USH2A: variants seen among roughly 807,000 people sequenced by gnomAD.
USH2A encodes Usher syndrome 2A (autosomal recessive, mild).
Under a neutral mutation model 538.9 loss-of-function variants are expected in USH2A, and 443 were observed. The observed-to-expected ratio is 0.82, with a 90% CI of 0.76 to 0.89. The LOEUF (loss-of-function observed/expected upper bound fraction) is 0.89, where lower values mean the gene tolerates loss of function less well. USH2A is among the 40% of genes least tolerant of loss of function. The pLI is 0.00. For synonymous variants in USH2A, 2,413 were observed against 2,273.5 expected, an observed-to-expected ratio of 1.06 and a Z score of -1.75; for missense variants, 6,633 against 6,324.8, an observed-to-expected ratio of 1.05 and a Z score of -1.65.
intron 3 of USH2A, among the ~76,000 whole-genome samples, chr1:216,395,744 T>C (rs1191770456): frequency 8.5e-5 from 13 of 152,076 alleles, no homozygotes; most frequent in Non-Finnish European, 8.8e-5. Flanking sequence ...GGCAGAGAGG[T>C]GGCAGGTTTG....
chr1:215,992,642 A>T (rs1288736974), intron 35 of USH2A, among the ~76,000 whole-genome samples: 1 of 152,216 alleles, frequency 6.6e-6, no homozygotes, highest in Non-Finnish European at 1.5e-5. Flanking sequence ...TATGTACATG[A>T]ACTTTCCACC....
intron 62 of USH2A, among the ~76,000 whole-genome samples, chr1:215,677,584 G>A (rs559026474): frequency 2.8e-4 from 42 of 152,116 alleles, no homozygotes; most frequent in Admixed American, 5.2e-4. Flanking sequence ...CTATACTCGG[G>A]GTGGCTTCTC....
chr1:216,193,399 T>C (rs1263697859), intron 19 of USH2A, among the ~76,000 whole-genome samples: 1 of 152,122 alleles, frequency 6.6e-6, no homozygotes, highest in Non-Finnish European at 1.5e-5. Flanking sequence ...AATTATTTAT[T>C]GGCTCTTCTT....
intron 66 of USH2A, 50 bp downstream of exon 66, chr1:215,648,478 T>C: frequency 6.3e-7 from 1 of 1,586,124 alleles, no homozygotes; most frequent in South Asian, 1.1e-5. Flanking sequence ...AGTTCATATG[T>C]CTGTACACAT....
At chr1:215,659,936 A>T (rs1373656677) in intron 64 of USH2A, among the ~76,000 whole-genome samples, 1 of 152,208 alleles carries the variant, frequency 6.6e-6, no homozygotes, top group Non-Finnish European at 1.5e-5. Context: ...TGACTATGCT[A>T]AGAAATAACA....
At chr1:215,829,333 G>A (rs2102807694) in intron 47 of USH2A, among the ~76,000 whole-genome samples, 1 of 152,280 alleles carries the variant, frequency 6.6e-6, no homozygotes, top group Middle Eastern at 3.4e-3. Flanking sequence ...CAAGGCATAA[G>A]TTAAGGCCAA....
chr1:216,054,022 C>T (rs1204983777), intron 30 of USH2A, among the ~76,000 whole-genome samples: 1 of 152,178 alleles, frequency 6.6e-6, no homozygotes, highest in Non-Finnish European at 1.5e-5. Flanking sequence ...GCCTAGAGAA[C>T]TTGCAACTTA....
At chr1:216,159,468 T>C (rs1165646704) in intron 21 of USH2A, among the ~76,000 whole-genome samples, 2 of 151,858 alleles carry the variant, frequency 1.3e-5, no homozygotes, top group East Asian at 1.9e-4. Context: ...TTGAATCACA[T>C]ACATTTTGAA....
chr1:216,088,546 T>C (rs1369753085), intron 23 of USH2A, among the ~76,000 whole-genome samples: 2 of 152,150 alleles, frequency 1.3e-5, no homozygotes, highest in African/African-American at 4.8e-5. Flanking sequence ...GCAGATAGGG[T>C]AGGCTGGAGC....
intron 67 of USH2A, among the ~76,000 whole-genome samples, 188 bp from the exon 68 acceptor site, chr1:215,640,922 CA>C (rs1490332938): frequency 1.4e-5 from 2 of 148,028 alleles, no homozygotes; most frequent in East Asian, 2.0e-4. Flanking sequence ...CAACCAGTAT[CA>C]GGGGTGAAAA....
In USH2A at chr1:216,198,512, C is replaced by T. The variant is rs372993160; in HGVS notation, c.3884G>A (p.Arg1295Gln). The T allele has an allele frequency of 9.3e-6, 15 of 1,613,840 alleles. No individual in the cohort carries two copies. Among genetic ancestry groups the T allele is most frequent in the Middle Eastern group, 1.6e-4 (1 of 6,082 alleles). Reference protein sequence around the residue: ...STKETTSEESRVFQSSGWLSP... With the variant: ...STKETTSEESQVFQSSGWLSP... The stretch of plus-strand genomic sequence containing the variant: ...GAGCCAACCACTGCTCTGAAAAACT[C>T]GACTTTCCTCAGATGTGGTTTCTTT... The change falls in exon 18 of 72, where the codon CGA becomes CAA. Residue 1295 changes from arginine (R) to glutamine (Q), a missense_variant. Arg to Gln is a conservative substitution (Grantham distance 43). Coordinates refer to ENST00000307340, the MANE Select transcript of USH2A (RefSeq NM_206933.4).
chr1:216,142,583 G>T (rs1200722883), intron 21 of USH2A, among the ~76,000 whole-genome samples: 3 of 152,070 alleles, frequency 2.0e-5, no homozygotes, highest in Admixed American at 6.5e-5. Flanking sequence ...GCAACATTTT[G>T]CCTCTCTGAA....
chr1:215,999,467 A>T (rs991323047), intron 33 of USH2A, among the ~76,000 whole-genome samples: 1 of 152,154 alleles, frequency 6.6e-6, no homozygotes, highest in African/African-American at 2.4e-5. Context: ...AAAACAGTGA[A>T]ATTGATGACT....
At chr1:216,068,085 G>C in intron 30 of USH2A, among the ~76,000 whole-genome samples, 1 of 152,168 alleles carries the variant, frequency 6.6e-6, no homozygotes, top group East Asian at 1.9e-4. Context: ...TTCTAGAAAT[G>C]ATGAAAGAGT....
At chr1:216,360,386 T>C (rs1342377266) in intron 4 of USH2A, among the ~76,000 whole-genome samples, 3 of 151,994 alleles carry the variant, frequency 2.0e-5, no homozygotes, top group Non-Finnish European at 4.4e-5. Flanking sequence ...AGATCAGTGA[T>C]TGCTAGGGGT....
At chr1:215,836,537 TATATAATATATATATATATATA>T (rs1558120218) in intron 47 of USH2A, among the ~76,000 whole-genome samples, 1 of 25,370 alleles carries the variant, frequency 3.9e-5, no homozygotes, top group African/African-American at 1.4e-4. Context: ...TATATATATA[TATATAATATATATATATATATA>T]TATATATTTT....
chr1:215,887,960 G>A (rs979339411), intron 41 of USH2A, among the ~76,000 whole-genome samples: 37 of 152,324 alleles, frequency 2.4e-4, no homozygotes, highest in African/African-American at 7.7e-4. Flanking sequence ...AATAGAATGA[G>A]GTGAATAATT....
intron 38 of USH2A, among the ~76,000 whole-genome samples, chr1:215,930,162 C>T (rs1219013642): frequency 7.9e-5 from 12 of 151,902 alleles, no homozygotes; most frequent in African/African-American, 2.9e-4. Context: ...GTTCACAAAC[C>T]AGGGTGGCTC....
At chr1:215,810,318 T>C (rs1005291699) in intron 49 of USH2A, among the ~76,000 whole-genome samples, 3 of 152,174 alleles carry the variant, frequency 2.0e-5, no homozygotes, top group African/African-American at 7.2e-5. Flanking sequence ...ATTTCATTTT[T>C]AAGAAAAATG....
Sources: gnomAD v4.1 joint callset for allele counts (sites outside exome capture counted in the v4.1 genomes callset) on GRCh38, gnomAD v4.1.1 for gene constraint, MANE v1.5 for transcripts, NCBI Gene and HGNC (gene_info 2026-07-23, HGNC 2026-07-21) for gene names.